The following CMTM8 variants were observed in gnomAD, a reference collection of about 807,000 sequenced individuals.
The protein encoded by CMTM8 is CKLF-like MARVEL transmembrane domain-containing protein 8.
Under a neutral mutation model 18.6 loss-of-function variants are expected in CMTM8, and 12 were observed. The observed-to-expected ratio is 0.65, with a 90% CI of 0.41 to 1.05. CMTM8 has a LOEUF of 1.05. Among genes scored for constraint, CMTM8 ranks in the 50% least tolerant of loss-of-function variants. The pLI, the probability that CMTM8 is intolerant of heterozygous loss-of-function variation, is 0.00. For synonymous variants in CMTM8, 87 were observed against 90.6 expected (o/e 0.96, Z 0.23); for missense variants, 217 against 227.2 (o/e 0.95, Z 0.29).
chr3:32,361,289 T>TGTTTTTTTTTGTTTTTTTG (rs1553608175), intron 2 of CMTM8, among the ~76,000 whole-genome samples: 1 of 143,646 alleles, frequency 7.0e-6, no homozygotes, highest in Admixed American at 6.9e-5. Flanking sequence ...CCTAAGAGTT[T>TGTTTTTTTTTGTTTTTTTG]TTTTTTCTTT....
chr3:32,238,503 T>G (rs148114622), upstream of CMTM8: 6,432 of 152,410 alleles, frequency 0.042, 281 homozygotes, highest in East Asian at 0.2. Context: ...CGCCCTCTCC[T>G]CCGCGCCGCC....
chr3:32,288,751 TG>T (rs1702728887), intron 1 of CMTM8, among the ~76,000 whole-genome samples: 1 of 152,304 alleles, frequency 6.6e-6, no homozygotes, highest in African/African-American at 2.4e-5. Context: ...ATGCCCGCCT[TG>T]GCCTCCCAAA....
intron 1 of CMTM8, among the ~76,000 whole-genome samples, chr3:32,346,187 C>T (rs1399802892): frequency 6.6e-6 from 1 of 152,098 alleles, no homozygotes; most frequent in African/African-American, 2.4e-5. Flanking sequence ...TTCTAGAAAT[C>T]AGCTGACATC....
At chr3:32,276,429 T>G (rs1229376330) in intron 1 of CMTM8, among the ~76,000 whole-genome samples, 1 of 152,212 alleles carries the variant, frequency 6.6e-6, no homozygotes, top group Non-Finnish European at 1.5e-5. Flanking sequence ...GATGTTTATT[T>G]TGACTTGAGA....
intron 3 of CMTM8, among the ~76,000 whole-genome samples, chr3:32,369,421 T>G (rs1695601724): frequency 6.6e-6 from 1 of 152,192 alleles, no homozygotes; most frequent in Non-Finnish European, 1.5e-5. Flanking sequence ...GGACTAGAAC[T>G]AGGTGGAGGC....
chr3:32,356,819 C>T (rs1466052350), intron 1 of CMTM8, among the ~76,000 whole-genome samples: 1 of 152,108 alleles, frequency 6.6e-6, no homozygotes, highest in East Asian at 1.9e-4. Context: ...GTTTTAAAAC[C>T]CCTGATTAGT....
chr3:32,277,898 G>C (rs528804824), intron 1 of CMTM8, among the ~76,000 whole-genome samples: 2 of 152,236 alleles, frequency 1.3e-5, no homozygotes, highest in East Asian at 3.9e-4. Flanking sequence ...TAAGAGTGTT[G>C]GTCAAGATGC....
intron 1 of CMTM8, among the ~76,000 whole-genome samples, chr3:32,271,135 TG>T (rs1195028335): frequency 6.6e-6 from 1 of 152,222 alleles, no homozygotes; most frequent in Non-Finnish European, 1.5e-5. Flanking sequence ...TTTTTTTATT[TG>T]TTTGTTTGAG....
At chr3:32,246,716 A>C (rs1702020355) in intron 1 of CMTM8, among the ~76,000 whole-genome samples, 1 of 152,196 alleles carries the variant, frequency 6.6e-6, no homozygotes, top group Non-Finnish European at 1.5e-5. Context: ...GTTCCATAAC[A>C]TCTTTTAAGC....
At chr3:32,332,986 G>A (rs1408258414) in intron 1 of CMTM8, among the ~76,000 whole-genome samples, 1 of 152,236 alleles carries the variant, frequency 6.6e-6, no homozygotes. Context: ...GGTTTGGAAT[G>A]TGTGTGTTTT....
At chr3:32,284,585 C>CT (rs1702651216) in intron 1 of CMTM8, among the ~76,000 whole-genome samples, 1 of 152,194 alleles carries the variant, frequency 6.6e-6, no homozygotes, top group African/African-American at 2.4e-5. Context: ...GGACATAGGA[C>CT]TTTGAGTAGA....
At chr3:32,341,052 G>T (rs1319212536) in intron 1 of CMTM8, among the ~76,000 whole-genome samples, 1 of 152,246 alleles carries the variant, frequency 6.6e-6, no homozygotes, top group East Asian at 1.9e-4. Context: ...AGCCATCAGA[G>T]CAAATAGGAT....
At chr3:32,365,745 C>T (rs7619214) in intron 2 of CMTM8, among the ~76,000 whole-genome samples, 20,975 of 152,160 alleles carry the variant, frequency 0.14, 1,655 homozygotes, top group East Asian at 0.27. Context: ...CTGCACCCAG[C>T]GGAATTTTTA....
intron 1 of CMTM8, among the ~76,000 whole-genome samples, chr3:32,307,265 G>A (rs1479225520): frequency 1.3e-5 from 2 of 152,156 alleles, no homozygotes; most frequent in South Asian, 2.1e-4. Flanking sequence ...ACTTGAAACC[G>A]GAAGGTAGAG....
Position 32,298,953 on chromosome 3 carries a change from A to AT in CMTM8, c.148-58419dup, listed in dbSNP as rs1205111009. On this transcript the variant is annotated intron_variant, in intron 1 of 3. Transcript: ENST00000307526. The stretch of plus-strand genomic sequence containing the variant: ...TATATATATATATGTATATATATAT[A>AT]TATTTTTTTTTTTTTAGAGACAGGG... Among the ~76,000 whole-genome samples, 297 of 133,156 alleles carry AT rather than the reference A, an allele frequency of 2.2e-3. 2 individuals are homozygous for AT. The highest frequency in any genetic ancestry group is 7.7e-3 in the African/African-American group (283 of 36,712). 87.4% of individuals were successfully genotyped at this position (133,156 alleles called of 152,430 possible).
intron 1 of CMTM8, among the ~76,000 whole-genome samples, chr3:32,284,997 C>T (rs984197871): frequency 7.2e-5 from 11 of 152,078 alleles, no homozygotes; most frequent in African/African-American, 2.7e-4. Flanking sequence ...GTCTGAGAGG[C>T]CCCAGCGAAG....
intron 1 of CMTM8, among the ~76,000 whole-genome samples, chr3:32,284,813 T>C (rs886242369): frequency 6.6e-6 from 1 of 152,228 alleles, no homozygotes; most frequent in Non-Finnish European, 1.5e-5. Flanking sequence ...TTTTGTTTTT[T>C]CCTGGTTCTA....
At chr3:32,341,480 A>G (rs973081978) in intron 1 of CMTM8, among the ~76,000 whole-genome samples, 1 of 152,124 alleles carries the variant, frequency 6.6e-6, no homozygotes, top group Non-Finnish European at 1.5e-5. Flanking sequence ...ATATTGTCTT[A>G]TGTGGATTTT....
At chr3:32,251,021 A>C (rs1475868366) in intron 1 of CMTM8, among the ~76,000 whole-genome samples, 1 of 152,224 alleles carries the variant, frequency 6.6e-6, no homozygotes, top group Non-Finnish European at 1.5e-5. Context: ...AAAGTTATAC[A>C]AAAAAGTTCA....
Sources: gnomAD v4.1 joint callset for allele counts (sites outside exome capture counted in the v4.1 genomes callset) on GRCh38, gnomAD v4.1.1 for gene constraint, MANE v1.5 for transcripts, NCBI Gene and HGNC (gene_info 2026-07-23, HGNC 2026-07-21) for gene names.